Variants in FITM1 observed in about 807,000 individuals in gnomAD.
The protein encoded by FITM1 is fat storage-inducing transmembrane protein 1.
Under a neutral mutation model 22.2 loss-of-function variants are expected in FITM1, and 11 were observed. That is an observed-to-expected ratio of 0.50 (90% CI 0.31 to 0.82). The LOEUF (loss-of-function observed/expected upper bound fraction) is 0.82, where lower values mean the gene tolerates loss of function less well. Ranked by LOEUF, FITM1 falls within the 40% of genes least tolerant of loss-of-function variation. The probability of loss-of-function intolerance (pLI) is 0.04; values close to 1 mark genes in which losing one functional copy is unlikely to be tolerated. For synonymous variants in FITM1, 164 were observed against 174.0 expected (o/e 0.94, Z 0.45); for missense variants, 394 against 386.4 (o/e 1.02, Z -0.17).
At position 24,131,753 on chromosome 14, in the gene FITM1, G is replaced by A; in HGVS notation, c.190G>A (p.Val64Ile). The change falls in exon 1 of 2, where the codon GTC (valine) becomes ATC (isoleucine). Residue 64 changes from valine (V) to isoleucine (I), a missense_variant. Coordinates refer to ENST00000267426, the MANE Select transcript of FITM1 (RefSeq NM_203402.3). Reference protein sequence around the residue: ...RLYHAWLAAVVIFGPLLQFHV... With the variant: ...RLYHAWLAAVIIFGPLLQFHV... ...CTACCATGCCTGGCTGGCAGCAGTG[G>A]TCATCTTTGGGCCGCTTCTGCAGTT... 6.2e-7 allele frequency: 1 copy of A among 1,613,986 alleles called. No individual in the cohort carries two copies. The highest frequency in any genetic ancestry group is 8.5e-7 in the Non-Finnish European group (1 of 1,179,984).
At position 24,131,334 on chromosome 14, in the gene FITM1, T is replaced by C; in HGVS notation, c.-230T>C. ...ACTAACAGGAAAGGACACAGACTGC[T>C]GTCAGGACACATACTACCACACACC... is the stretch of plus-strand genomic sequence containing the variant. On this transcript the variant is annotated 5_prime_UTR_variant, in exon 1 of 2. Coordinates refer to ENST00000267426, the MANE Select transcript of FITM1 (RefSeq NM_203402.3). 1 of 675,208 alleles carries C rather than the reference T, an allele frequency of 1.5e-6. No homozygotes were observed. The highest frequency in any genetic ancestry group is 2.7e-6 in the Non-Finnish European group (1 of 370,798). The allele number at this position is 675,208 out of a possible 1,614,324, so 41.8% of individuals were successfully genotyped here.
rs1320077642 is a variant in FITM1, at chr14:24,132,523, C to T, written c.579C>T (p.Cys193=). The change falls in exon 2 of 2, where the codon TGC becomes TGT. Residue 193 remains cysteine (C), a synonymous_variant. Transcript: ENST00000267426. Reference sequence around the variant, plus strand: ...CCCACACCTTCCTGCTCACCTTTTGCTGCCTGCTCATGGCAGAGGAAGCAG... The same window carrying T: ...CCCACACCTTCCTGCTCACCTTTTGTTGCCTGCTCATGGCAGAGGAAGCAG... ...VSSHTFLLTF[C]CLLMAEEAAV... is the part of the protein sequence containing the mutation. 6.2e-7 allele frequency: 1 copy of T among 1,604,122 alleles called. No homozygotes were observed. The highest frequency in any genetic ancestry group is 1.3e-5 in the African/African-American group (1 of 75,056).
chr14:24,131,347 A>G lies in FITM1; in HGVS notation c.-217A>G. The stretch of plus-strand genomic sequence containing the variant: ...GACACAGACTGCTGTCAGGACACAT[A>G]CTACCACACACCCGAGGCCAGGACC... On this transcript the variant is annotated 5_prime_UTR_variant, in exon 1 of 2. The change creates a new upstream start codon in the 5' untranslated region. Transcript: ENST00000267426. The G allele has an allele frequency of 1.5e-6, 1 of 689,130 alleles. No individual in the cohort carries two copies. Among genetic ancestry groups the G allele is most frequent in the South Asian group, 1.5e-5 (1 of 64,720 alleles). 42.7% of individuals were successfully genotyped at this position (689,130 alleles called of 1,614,324 possible).
At position 24,132,238 on chromosome 14, in the gene FITM1, G is replaced by T. The variant is rs376751755; in HGVS notation, c.294G>T (p.Trp98Cys). The T allele has an allele frequency of 1.2e-6, 2 of 1,612,682 alleles. No homozygotes were observed. The highest frequency in any genetic ancestry group is 1.3e-5 in the African/African-American group (1 of 74,844). Residue 98 changes from tryptophan to cysteine, a missense_variant, in exon 2 of 2, where the codon TGG (tryptophan) becomes TGT (cysteine). Physicochemically the swap from Trp to Cys is radical, Grantham distance 215. Coordinates refer to ENST00000267426, the MANE Select transcript of FITM1 (RefSeq NM_203402.3). ...NIKFVNSAWG[W>C]TCTFLGGFVL... is the part of the protein sequence containing the mutation. ...AATTTGTGAATTCAGCCTGGGGCTG[G>T]ACATGCACTTTCTTAGGGGGCTTTG...
rs1395810842 is a variant in FITM1 at position 24,132,555 on chromosome 14, T to A, written c.611T>A (p.Phe204Tyr). The change falls in exon 2 of 2, where the codon TTC becomes TAC. Residue 204 changes from phenylalanine to tyrosine, a missense_variant. Physicochemically the swap from Phe to Tyr is conservative, Grantham distance 22. Coordinates refer to ENST00000267426, the MANE Select transcript of FITM1 (RefSeq NM_203402.3). ...CLLMAEEAAV[F>Y]AKYLAHGLPA... Reference sequence around the variant, plus strand: ...CTCATGGCAGAGGAAGCAGCTGTGTTCGCCAAGTACCTGGCCCATGGGCTT... The same window carrying A: ...CTCATGGCAGAGGAAGCAGCTGTGTACGCCAAGTACCTGGCCCATGGGCTT... 6.2e-7 allele frequency: 1 copy of A among 1,606,436 alleles called. No homozygotes were observed. Among genetic ancestry groups the A allele is most frequent in the African/African-American group, 1.3e-5 (1 of 74,948 alleles).
rs1424284402 is a variant in FITM1, at chr14:24,131,106, C to T, written c.-458C>T. 2.0e-5 allele frequency among the ~76,000 whole-genome samples: 3 copies of T among 152,248 alleles called. No homozygotes were observed. Among genetic ancestry groups the T allele is most frequent in the African/African-American group, 7.2e-5 (3 of 41,466 alleles). ...GAACCCCAGGAGAAGGGCTAGATCA[C>T]ACTGATAAGACTGGCAGCTTTTTTT... On this transcript the variant is annotated 5_prime_UTR_variant, in exon 1 of 2. Coordinates refer to ENST00000267426, the MANE Select transcript of FITM1 (RefSeq NM_203402.3).
In FITM1 at chr14:24,132,793, C is replaced by T; in HGVS notation, c.849C>T (p.Pro283=). Residue 283 remains proline (P), a synonymous_variant, in exon 2 of 2, where the codon CCC becomes CCT. Coordinates refer to ENST00000267426, the MANE Select transcript of FITM1 (RefSeq NM_203402.3). ...SPGSPGHGLF[P]RPHSSRKHN ...GGAGCCCAGGCCATGGGCTCTTCCC[C>T]CGTCCCCACTCCAGCCGCAAGCATA... is the stretch of plus-strand genomic sequence containing the variant. 1 of 1,612,010 alleles carries T rather than the reference C, an allele frequency of 6.2e-7. No homozygotes were observed. Among genetic ancestry groups the T allele is most frequent in the Non-Finnish European group, 8.5e-7 (1 of 1,179,686 alleles).
Position 24,131,431 on chromosome 14 carries a change from C to A in FITM1, c.-133C>A. 1.1e-6 allele frequency: 1 copy of A among 927,364 alleles called. No individual in the cohort carries two copies. The highest frequency in any genetic ancestry group is 1.7e-6 in the Non-Finnish European group (1 of 591,484). The allele number at this position is 927,364 out of a possible 1,614,324, so 57.4% of individuals were successfully genotyped here. ...TACTGCCCCCCGCCCCTCTCCCCCACCTGCCAGCTGCCAACAGGGCTCTGC... is the reference window on the plus strand; with the variant it reads ...TACTGCCCCCCGCCCCTCTCCCCCAACTGCCAGCTGCCAACAGGGCTCTGC... On this transcript the variant is annotated 5_prime_UTR_variant, in exon 1 of 2. Transcript: ENST00000267426.
In FITM1 at chr14:24,132,337, G is replaced by C. The variant is rs532633940; in HGVS notation, c.393G>C (p.Gly131=). 2.0e-4 allele frequency: 317 copies of C among 1,614,146 alleles called. 3 individuals carry two copies. The East Asian group carries it at 7.0e-3, about 36-fold the overall frequency. The change falls in exon 2 of 2, where the codon GGG becomes GGC. Residue 131 remains glycine (G), a synonymous_variant. Coordinates refer to ENST00000267426, the MANE Select transcript of FITM1 (RefSeq NM_203402.3). ...TARHLSRLVV[G]AAVWRGAGRA... ...GACACCTGAGCCGACTGGTAGTAGG[G>C]GCAGCCGTGTGGCGGGGAGCCGGCC...
intron 1 of FITM1, 66 bp from the exon 2 acceptor site, chr14:24,132,145 T>G (rs2037827009): frequency 1.9e-6 from 3 of 1,583,514 alleles, no homozygotes; most frequent in Non-Finnish European, 2.6e-6. Flanking sequence ...AGTGCAGTGA[T>G]GGGAGCACAG....
chr14:24,132,792 C>T lies in FITM1; in HGVS notation c.848C>T (p.Pro283Leu), dbSNP rs1566598980. 1 of 1,612,020 alleles carries T rather than the reference C, an allele frequency of 6.2e-7. No homozygotes were observed. Among genetic ancestry groups the T allele is most frequent in the Non-Finnish European group, 8.5e-7 (1 of 1,179,684 alleles). ...GGGAGCCCAGGCCATGGGCTCTTCC[C>T]CCGTCCCCACTCCAGCCGCAAGCAT... ...SPGSPGHGLFPRPHSSRKHN is the reference protein window; with the variant it reads ...SPGSPGHGLFLRPHSSRKHN The change falls in exon 2 of 2, where the codon CCC becomes CTC. Residue 283 changes from proline to leucine, a missense_variant. Pro to Leu is a moderately conservative substitution (Grantham distance 98). Transcript: ENST00000267426.
In FITM1 at chr14:24,131,295, G is replaced by T. The variant is rs2037819293; in HGVS notation, c.-269G>T. On this transcript the variant is annotated 5_prime_UTR_variant, in exon 1 of 2. Coordinates refer to ENST00000267426, the MANE Select transcript of FITM1 (RefSeq NM_203402.3). ...TCACAGGAACTGGAACATGGTCGGA[G>T]CCAAGGACACAGGACTAACAGGAAA... 1.6e-6 allele frequency: 1 copy of T among 633,184 alleles called. No individual in the cohort carries two copies. The highest frequency in any genetic ancestry group is 1.8e-5 in the African/African-American group (1 of 55,694). 39.2% of individuals were successfully genotyped at this position (633,184 alleles called of 1,614,324 possible).
Position 24,131,131 on chromosome 14 carries a change from T to TA in FITM1, c.-427dup, listed in dbSNP as rs1465477641. On this transcript the variant is annotated 5_prime_UTR_variant, in exon 1 of 2. Transcript: ENST00000267426. Reference sequence around the variant, plus strand: ...CACTGATAAGACTGGCAGCTTTTTTTAAAAAACGACTTTCAAGGTTTGGTT... The same window carrying TA: ...CACTGATAAGACTGGCAGCTTTTTTTAAAAAAACGACTTTCAAGGTTTGGTT... 1 of 535,098 alleles carries TA rather than the reference T, an allele frequency of 1.9e-6. No individual in the cohort carries two copies. The highest frequency in any genetic ancestry group is 3.3e-6 in the Non-Finnish European group (1 of 303,650). The allele number at this position is 535,098 out of a possible 1,614,324, so 33.1% of individuals were successfully genotyped here.
At position 24,131,647 on chromosome 14, in the gene FITM1, G is replaced by T; in HGVS notation, c.84G>T (p.Leu28=). 6.2e-7 allele frequency: 1 copy of T among 1,613,578 alleles called. No homozygotes were observed. The highest frequency in any genetic ancestry group is 8.5e-7 in the Non-Finnish European group (1 of 1,179,932). Reference sequence around the variant, plus strand: ...TGCTGGGCTGCCTGCTCAAGGTGCTGCTCTGGGTGGCCTCTGCCTTGCTGT... The same window carrying T: ...TGCTGGGCTGCCTGCTCAAGGTGCTTCTCTGGGTGGCCTCTGCCTTGCTGT... ...QALLGCLLKV[L]LWVASALLYF... Residue 28 remains leucine, a synonymous_variant, in exon 1 of 2, where the codon CTG becomes CTT. Transcript: ENST00000267426.
Position 24,131,603 on chromosome 14 carries a change from G to C in FITM1, c.40G>C (p.Gly14Arg), listed in dbSNP as rs772405717. ...GGTGGTGGGGGCAGGACTGGGGGCCGGGGCCCGAATCCAGGCACTGCTGGG... is the reference window on the plus strand; with the variant it reads ...GGTGGTGGGGGCAGGACTGGGGGCCCGGGCCCGAATCCAGGCACTGCTGGG... The part of the protein sequence containing the change: ...GPVVGAGLGA[G>R]ARIQALLGCL... The change falls in exon 1 of 2, where the codon GGG becomes CGG. Residue 14 changes from glycine to arginine, a missense_variant. Coordinates refer to ENST00000267426, the MANE Select transcript of FITM1 (RefSeq NM_203402.3). The C allele has an allele frequency of 1.2e-6, 2 of 1,606,038 alleles. No individual in the cohort carries two copies. Among genetic ancestry groups the C allele is most frequent in the Non-Finnish European group, 8.5e-7 (1 of 1,176,762 alleles).
intron 1 of FITM1, 117 bp from the exon 2 acceptor site, chr14:24,132,094 C>A: frequency 7.0e-7 from 1 of 1,431,748 alleles, no homozygotes. Flanking sequence ...GTAAAGGGCA[C>A]GGCAAGGAGA....
Position 24,131,811 on chromosome 14 carries a change from A to ACGG in FITM1, c.250_252dup (p.Gly84dup), listed in dbSNP as rs762704981. ...AACCCTCGGACTATCTTCGCCAGCC[A>ACGG]CGGCAACTTCTTCAACATGTGAGTC... On this transcript the variant is annotated inframe_insertion, in exon 1 of 2. Transcript: ENST00000267426. 7.5e-6 allele frequency: 12 copies of ACGG among 1,592,354 alleles called. No homozygotes were observed. In the East Asian group the frequency reaches 2.5e-4, roughly 33 times the overall value.
rs2037821351 is a variant in FITM1 at position 24,131,515 on chromosome 14, C to T, written c.-49C>T. 6.5e-7 allele frequency: 1 copy of T among 1,535,232 alleles called. No individual in the cohort carries two copies. Among genetic ancestry groups the T allele is most frequent in the South Asian group, 1.2e-5 (1 of 83,986 alleles). ...TGTCCAGGGGGGGCCCCATCAGCCC[C>T]TCCTCAGCTGCCCAGCAAAGCAAGC... On this transcript the variant is annotated 5_prime_UTR_variant, in exon 1 of 2. Transcript: ENST00000267426.
chr14:24,132,298 G>A lies in FITM1; in HGVS notation c.354G>A (p.Val118=). The change falls in exon 2 of 2, where the codon GTG becomes GTA. Residue 118 remains valine (V), a synonymous_variant. Transcript: ENST00000267426. Reference sequence around the variant, plus strand: ...TGGTGTTCCTGGCTACACGGCGCGTGGCAGTAACTGCCAGACACCTGAGCC... The same window carrying A: ...TGGTGTTCCTGGCTACACGGCGCGTAGCAGTAACTGCCAGACACCTGAGCC... ...LLVVFLATRR[V]AVTARHLSRL... is the part of the protein sequence containing the mutation. The A allele has an allele frequency of 6.2e-7, 1 of 1,613,990 alleles. No individual in the cohort carries two copies.
Sources: allele counts gnomAD v4.1 joint callset (sites outside exome capture counted in the v4.1 genomes callset), GRCh38; gene constraint gnomAD v4.1.1; transcripts MANE v1.5; gene names NCBI Gene and HGNC (gene_info 2026-07-23, HGNC 2026-07-21).